Variants in PLCL2 observed in about 807,000 individuals in gnomAD.
PLCL2 encodes the protein inactive phospholipase C-like protein 2.
In PLCL2, 4 loss-of-function variants were observed where a neutral mutation model predicts 79.6. That is an observed-to-expected ratio of 0.05 (90% CI 0.02 to 0.11). The LOEUF (loss-of-function observed/expected upper bound fraction) is 0.11, where lower values mean the gene tolerates loss of function less well. Ranked by LOEUF, PLCL2 falls within the 10% of genes least tolerant of loss-of-function variation. The pLI, the probability that PLCL2 is intolerant of heterozygous loss-of-function variation, is 1.00. For missense variants in PLCL2, 895 were observed against 1,291.0 expected (o/e 0.69, Z 4.70); for synonymous variants, 484 against 457.7 (o/e 1.06, Z -0.73).
At chr3:16,936,568 A>G (rs193281265) in intron 1 of PLCL2, among the ~76,000 whole-genome samples, 1 of 152,376 alleles carries the variant, frequency 6.6e-6, no homozygotes, top group Non-Finnish European at 1.5e-5. Flanking sequence ...TCATATGTTA[A>G]AAGTTTATCT....
At chr3:17,041,514 A>T (rs1395451828) in intron 3 of PLCL2, among the ~76,000 whole-genome samples, 1 of 152,188 alleles carries the variant, frequency 6.6e-6, no homozygotes, top group Non-Finnish European at 1.5e-5. Flanking sequence ...TTTTTAAGAG[A>T]CATGTTGGTT....
At chr3:16,894,601 T>C (rs1238916237) in intron 1 of PLCL2, among the ~76,000 whole-genome samples, 1 of 152,220 alleles carries the variant, frequency 6.6e-6, no homozygotes, top group Non-Finnish European at 1.5e-5. Context: ...TTTGGTATTA[T>C]CAGTGTTTCT....
intron 5 of PLCL2, among the ~76,000 whole-genome samples, chr3:17,074,770 C>T (rs75651218): frequency 6.6e-6 from 1 of 152,340 alleles, no homozygotes; most frequent in African/African-American, 2.4e-5. Flanking sequence ...TTTCCTTAAA[C>T]CTATGACCCA....
intron 1 of PLCL2, among the ~76,000 whole-genome samples, chr3:16,966,554 C>G (rs367900994): frequency 5.3e-5 from 8 of 152,054 alleles, no homozygotes; most frequent in East Asian, 3.9e-4. Flanking sequence ...GGGAGGATAC[C>G]TTCTTTTTCT....
intron 1 of PLCL2, among the ~76,000 whole-genome samples, chr3:16,997,142 T>C (rs570035726): frequency 6.6e-6 from 1 of 152,252 alleles, no homozygotes; most frequent in Non-Finnish European, 1.5e-5. Context: ...AAGGCCATCA[T>C]TGGCTTTATT....
intron 5 of PLCL2, among the ~76,000 whole-genome samples, chr3:17,078,907 C>T (rs944436221): frequency 2.6e-5 from 4 of 152,132 alleles, no homozygotes; most frequent in African/African-American, 9.7e-5. Flanking sequence ...AGCCATTTCT[C>T]TATTTAGTGT....
At chr3:16,938,880 G>T (rs578175816) in intron 1 of PLCL2, among the ~76,000 whole-genome samples, 6 of 152,314 alleles carry the variant, frequency 3.9e-5, no homozygotes, top group South Asian at 2.1e-4. Flanking sequence ...TAGAGCGAAA[G>T]AATTCAGAAA....
At chr3:17,082,619 T>C (rs928895317) in intron 5 of PLCL2, among the ~76,000 whole-genome samples, 1 of 152,214 alleles carries the variant, frequency 6.6e-6, no homozygotes, top group African/African-American at 2.4e-5. Flanking sequence ...CTGTTTAAGA[T>C]ACCATGATTA....
chr3:17,087,293 A>G (rs1447684534), intron 5 of PLCL2, among the ~76,000 whole-genome samples: 1 of 152,264 alleles, frequency 6.6e-6, no homozygotes, highest in African/African-American at 2.4e-5. Flanking sequence ...AATAAACTGC[A>G]GTGCATCCAG....
chr3:17,087,608 A>G (rs1177324540), intron 5 of PLCL2, among the ~76,000 whole-genome samples: 3 of 152,218 alleles, frequency 2.0e-5, no homozygotes, highest in African/African-American at 7.2e-5. Flanking sequence ...TTCAAAACCC[A>G]TGGAATACAC....
At chr3:17,051,713 A>T (rs1430927466) in intron 4 of PLCL2, among the ~76,000 whole-genome samples, 1 of 152,214 alleles carries the variant, frequency 6.6e-6, no homozygotes, top group African/African-American at 2.4e-5. Context: ...AAGGGGAAAG[A>T]TAAACACCAG....
At chr3:17,085,202 A>G (rs1310704611) in intron 5 of PLCL2, among the ~76,000 whole-genome samples, 1 of 151,662 alleles carries the variant, frequency 6.6e-6, no homozygotes, top group Non-Finnish European at 1.5e-5. Context: ...TGGCATGATC[A>G]TGGCTCACTG....
In PLCL2 at chr3:17,050,604, A is replaced by G. The variant is rs1162239374; in HGVS notation, c.3094+7655A>G. On this transcript the variant is annotated intron_variant, in intron 4 of 5. Coordinates refer to ENST00000615277, the MANE Select transcript of PLCL2 (RefSeq NM_001144382.2). ...TCAAAACTAAATGAGATATCATCTCACTGCAGTTAAAATGGCTTTTATCCA... is the reference window on the plus strand; with the variant it reads ...TCAAAACTAAATGAGATATCATCTCGCTGCAGTTAAAATGGCTTTTATCCA... 2.0e-5 allele frequency among the ~76,000 whole-genome samples: 3 copies of G among 152,198 alleles called. No individual in the cohort carries two copies. The East Asian group carries it at 5.8e-4, about 29-fold the overall frequency.
chr3:16,910,028 C>G (rs1425171076), intron 1 of PLCL2, among the ~76,000 whole-genome samples: 2 of 152,124 alleles, frequency 1.3e-5, no homozygotes, highest in East Asian at 3.9e-4. Context: ...CAAAAGATCT[C>G]AATCCTTCTT....
chr3:16,967,867 G>A (rs148270213), intron 1 of PLCL2, among the ~76,000 whole-genome samples: 1,957 of 152,024 alleles, frequency 0.013, 30 homozygotes, highest in Admixed American at 0.048. Flanking sequence ...CATTTCTTAC[G>A]TTATCTTCCA....
chr3:17,042,726 C>T, intron 3 of PLCL2, 148 bp from the exon 4 acceptor site: 3 of 621,372 alleles, frequency 4.8e-6, no homozygotes, highest in East Asian at 2.7e-5. Flanking sequence ...TTTTCACATG[C>T]ACATTTGAAG....
At chr3:17,036,225 G>C (rs548232273) in intron 3 of PLCL2, among the ~76,000 whole-genome samples, 7 of 152,156 alleles carry the variant, frequency 4.6e-5, no homozygotes, top group Non-Finnish European at 7.4e-5. Context: ...AAGGGGAGCT[G>C]GGTTTAATTG....
At chr3:17,054,750 G>A (rs1046468930) in intron 4 of PLCL2, among the ~76,000 whole-genome samples, 1 of 152,094 alleles carries the variant, frequency 6.6e-6, no homozygotes, top group African/African-American at 2.4e-5. Context: ...ATTTCAACAT[G>A]AGATTTGGAT....
At chr3:17,039,624 C>T (rs7617672) in intron 3 of PLCL2, among the ~76,000 whole-genome samples, 86,435 of 152,052 alleles carry the variant, frequency 0.57, 24,798 homozygotes, top group South Asian at 0.65. Flanking sequence ...CATGAATCAT[C>T]TCTGCTGAGG....
Sources: gnomAD v4.1 joint callset for allele counts (sites outside exome capture counted in the v4.1 genomes callset) on GRCh38, gnomAD v4.1.1 for gene constraint, MANE v1.5 for transcripts, NCBI Gene and HGNC (gene_info 2026-07-23, HGNC 2026-07-21) for gene names.